CD300LG: variants seen among roughly 807,000 people sequenced by gnomAD.
CD300LG encodes the protein CMRF35-like molecule 9.
CD300LG carries 29 observed loss-of-function variants against 31.5 expected under a neutral mutation model. The ratio of observed to expected loss-of-function variants is 0.92; its 90% CI spans 0.68 to 1.25. CD300LG has a LOEUF of 1.25. Ranked by LOEUF, CD300LG falls within the 50% of genes most tolerant of loss-of-function variation. The probability of loss-of-function intolerance (pLI) is 0.00; values close to 1 mark genes in which losing one functional copy is unlikely to be tolerated. For missense variants in CD300LG, 396 were observed against 417.6 expected (o/e 0.95, Z 0.45); for synonymous variants, 175 against 177.2 (o/e 0.99, Z 0.10).
intron 4 of CD300LG, 55 bp downstream of exon 4, chr17:43,854,099 C>T: frequency 7.3e-7 from 1 of 1,368,408 alleles, no homozygotes; most frequent in Non-Finnish European, 1.0e-6. Flanking sequence ...CCATAAGGTG[C>T]CTTTGAGAAA....
At position 43,861,071 on chromosome 17, in the gene CD300LG, G is replaced by T. The variant is rs1030423887; in HGVS notation, c.886-727G>T. ...GTTTCCCTCATCTTGCTTGGGCTTG[G>T]CTGGGCTAGCAGACCATCCCTGCTG... On this transcript the variant is annotated intron_variant, in intron 6 of 6. Transcript: ENST00000317310. The T allele has an allele frequency of 4.1e-6, 4 of 984,908 alleles. No individual in the cohort carries two copies. In the African/African-American group the frequency reaches 7.0e-5, roughly 17 times the overall value. 61.0% of individuals were successfully genotyped at this position (984,908 alleles called of 1,614,324 possible). A position where few individuals can be genotyped will look rare whatever the true frequency, so the allele number is the denominator to read the frequency against.
At chr17:43,857,521 T>A in intron 6 of CD300LG, 1 of 1,494,588 alleles carries the variant, frequency 6.7e-7, no homozygotes, top group Non-Finnish European at 9.0e-7. Context: ...TAGCCTGACT[T>A]TTCTCTCAGT....
At position 43,848,741 on chromosome 17, in the gene CD300LG, A is replaced by C. The variant is rs1245055823; in HGVS notation, c.227A>C (p.Lys76Thr). The change falls in exon 2 of 7, where the codon AAG becomes ACG. Residue 76 changes from lysine to threonine, a missense_variant. Transcript: ENST00000317310. ...YAEEEGQETM[K>T]GRVSIRDSRQ... ...GAAGAAGAAGGCCAGGAGACAATGA[A>C]GGGCAGGGTGTCCATCCGTGACAGC... The C allele has an allele frequency of 6.2e-7, 1 of 1,614,010 alleles. No individual in the cohort carries two copies. Among genetic ancestry groups the C allele is most frequent in the Non-Finnish European group, 8.5e-7 (1 of 1,180,046 alleles).
chr17:43,854,070 C>T (rs763754546), intron 4 of CD300LG, 26 bp downstream of exon 4: 3 of 1,552,946 alleles, frequency 1.9e-6, no homozygotes, highest in Non-Finnish European at 2.7e-6. Flanking sequence ...CCAACATCCC[C>T]TTTCAAGCCA....
intron 6 of CD300LG, among the ~76,000 whole-genome samples, chr17:43,859,508 G>A (rs1311092311): frequency 6.6e-6 from 1 of 152,206 alleles, no homozygotes; most frequent in African/African-American, 2.4e-5. Flanking sequence ...TAGGTGTGCC[G>A]TTTGGCCTCT....
At chr17:43,850,535 A>G (rs577787376) in intron 2 of CD300LG, among the ~76,000 whole-genome samples, 13 of 152,144 alleles carry the variant, frequency 8.5e-5, no homozygotes, top group African/African-American at 2.9e-4. Flanking sequence ...CAGTGACACA[A>G]TCTTGGCTCA....
chr17:43,855,299 T>A lies in CD300LG; in HGVS notation c.812T>A (p.Leu271Gln). The change falls in exon 5 of 7, where the codon CTG becomes CAG. Residue 271 changes from leucine to glutamine, a missense_variant. Transcript: ENST00000317310. ...GGCCTGATCGCCTTCTGCAGCCACC[T>A]GCTCCTGTGGAGAAAGGAAGGTGAG... is the stretch of plus-strand genomic sequence containing the variant. ...AAGLIAFCSH[L>Q]LLWRKEAQQA... 1 of 1,595,072 alleles carries A rather than the reference T, an allele frequency of 6.3e-7. No individual in the cohort carries two copies. The highest frequency in any genetic ancestry group is 8.5e-7 in the Non-Finnish European group (1 of 1,172,928).
Position 43,848,898 on chromosome 17 carries a change from C to T in CD300LG, c.379+5C>T, listed in dbSNP as rs750433045. On this transcript the variant is annotated splice_donor_5th_base_variant and intron_variant, in intron 2 of 6. Transcript: ENST00000317310. Reference sequence around the variant, plus strand: ...TCTCTCTGTTCGTCTTTCCAGGTAACAGATATCTCTCCTTCCCCAGGCTGG... The same window carrying T: ...TCTCTCTGTTCGTCTTTCCAGGTAATAGATATCTCTCCTTCCCCAGGCTGG... The T allele has an allele frequency of 2.5e-6, 4 of 1,603,738 alleles. No homozygotes were observed. The South Asian group carries it at 4.4e-5, about 18-fold the overall frequency.
intron 2 of CD300LG, chr17:43,849,105 G>T: frequency 1.7e-6 from 1 of 602,388 alleles, no homozygotes; most frequent in Non-Finnish European, 2.9e-6. Flanking sequence ...CACACCAGTA[G>T]TAGATGTCAG....
At chr17:43,854,594 G>C (rs375736043) in intron 4 of CD300LG, among the ~76,000 whole-genome samples, 2 of 152,110 alleles carry the variant, frequency 1.3e-5, no homozygotes, top group East Asian at 1.9e-4. Flanking sequence ...AGTGCCCTCT[G>C]ATCTCCTTGG....
chr17:43,849,177 G>A (rs1314349603), intron 2 of CD300LG: 6 of 542,208 alleles, frequency 1.1e-5, no homozygotes, highest in African/African-American at 1.9e-5. Context: ...CTGCCCAGGT[G>A]TGCTGGAGGG....
chr17:43,850,520 G>A (rs913305175), intron 2 of CD300LG, among the ~76,000 whole-genome samples: 1 of 151,916 alleles, frequency 6.6e-6, no homozygotes, highest in Admixed American at 6.6e-5. Flanking sequence ...ATCCAGACGG[G>A]AGTGCAGTGA....
chr17:43,849,042 A>T, intron 2 of CD300LG, 149 bp downstream of exon 2: 1 of 707,440 alleles, frequency 1.4e-6, no homozygotes, highest in Non-Finnish European at 2.3e-6. Context: ...GGCTTGGGGC[A>T]CAGAAGGAGC....
chr17:43,856,857 A>G (rs1396573195), intron 5 of CD300LG, among the ~76,000 whole-genome samples: 2 of 152,216 alleles, frequency 1.3e-5, no homozygotes, highest in Non-Finnish European at 2.9e-5. Flanking sequence ...ACCTTAGCAC[A>G]CAGATTTATT....
Position 43,853,864 on chromosome 17 carries a change from AG to A in CD300LG, c.541del (p.Ala181ProfsTer76). ...GCCAAGCAGGGGAAGACAGGGGCTG[AG>A]GCCCCTCCATTGCCAGGGACTTCCC... ...TTAKQGKTGA[E>X]APPLPGTSQY... is the part of the protein sequence containing the mutation. On this transcript the variant is annotated frameshift_variant, in exon 4 of 7. Coordinates refer to ENST00000317310, the MANE Select transcript of CD300LG (RefSeq NM_145273.4). LOFTEE classifies it high-confidence loss of function. 1 of 1,614,134 alleles carries A rather than the reference AG, an allele frequency of 6.2e-7. No homozygotes were observed. The highest frequency in any genetic ancestry group is 1.1e-5 in the South Asian group (1 of 91,080).
At chr17:43,856,988 CT>C in intron 5 of CD300LG, 115 bp from the exon 6 acceptor site, 2 of 1,002,952 alleles carry the variant, frequency 2.0e-6, no homozygotes, top group Non-Finnish European at 3.1e-6. Context: ...CCTCCTCCCT[CT>C]GGGAAGCCCC....
intron 2 of CD300LG, among the ~76,000 whole-genome samples, chr17:43,851,043 A>G (rs2046334832): frequency 6.7e-6 from 1 of 149,608 alleles, no homozygotes; most frequent in East Asian, 2.1e-4. Flanking sequence ...GCTGAGGCAG[A>G]GAATTGCTTC....
At chr17:43,847,942 C>T (rs188681740) in intron 1 of CD300LG, among the ~76,000 whole-genome samples, 30 of 152,232 alleles carry the variant, frequency 2.0e-4, no homozygotes, top group African/African-American at 7.2e-4. Context: ...GAGTGAGATC[C>T]TGTCTAAAAA....
At chr17:43,847,666 C>T (rs1378821857) in intron 1 of CD300LG, among the ~76,000 whole-genome samples, 1 of 152,216 alleles carries the variant, frequency 6.6e-6, no homozygotes, top group African/African-American at 2.4e-5. Context: ...TATCACGTTT[C>T]ATCAATTCTT....
Sources: allele counts gnomAD v4.1 joint callset (sites outside exome capture counted in the v4.1 genomes callset), GRCh38; gene constraint gnomAD v4.1.1; transcripts MANE v1.5; gene names NCBI Gene and HGNC (gene_info 2026-07-23, HGNC 2026-07-21).